The following COL10A1 variants were observed in gnomAD, a reference collection of about 807,000 sequenced individuals.
COL10A1 encodes the protein collagen alpha-1(X) chain.
COL10A1 carries 10 observed loss-of-function variants against 18.2 expected under a neutral mutation model. That is an observed-to-expected ratio of 0.55 (90% CI 0.34 to 0.93). The LOEUF is 0.93. COL10A1 is among the 40% of genes least tolerant of loss of function. COL10A1 has a pLI of 0.02. For synonymous variants in COL10A1, 330 were observed against 316.6 expected (o/e 1.04, Z -0.45); for missense variants, 897 against 853.5 (o/e 1.05, Z -0.64).
At chr6:116,164,438 A>T in the COL10A1 span, among the ~76,000 whole-genome samples, 867 of 152,238 alleles carry the variant, frequency 5.7e-3, 17 homozygotes, top group South Asian at 0.046. Flanking sequence ...TTTGCATGAT[A>T]TATCTTTCTC....
chr6:116,192,209 C>G, the COL10A1 span, among the ~76,000 whole-genome samples: 2 of 151,910 alleles, frequency 1.3e-5, no homozygotes. Flanking sequence ...CTCTGTAAGT[C>G]TCTGTTTGCT....
In COL10A1 at chr6:116,155,541, C is replaced by T. The variant is rs149581697; in HGVS notation, c.-16+3073G>A. On this transcript the variant is annotated intron_variant, in intron 1 of 1. Transcript: ENST00000418500. ...GTTTGACTAAAGCAAACAATCTAAA[C>T]AATTTAAAATGACTTTGAATCCATC... is the stretch of plus-strand genomic sequence containing the variant. Among the ~76,000 whole-genome samples, 229 of 152,094 alleles carry T rather than the reference C, an allele frequency of 1.5e-3. 1 individual carries two copies. Among genetic ancestry groups the T allele is most frequent in the Middle Eastern group, 0.014 (4 of 294 alleles).
chr6:116,130,281 T>A (rs144027320), upstream of COL10A1, among the ~76,000 whole-genome samples: 297 of 151,994 alleles, frequency 2.0e-3, 1 homozygote, highest in African/African-American at 6.8e-3. Flanking sequence ...GTGAGGAAAG[T>A]GTGTGTGTTT....
At chr6:116,213,895 T>C in the COL10A1 span, among the ~76,000 whole-genome samples, 7 of 151,924 alleles carry the variant, frequency 4.6e-5, no homozygotes, top group African/African-American at 1.7e-4. Flanking sequence ...GATGGATACT[T>C]TACCCACACT....
At position 116,125,422 on chromosome 6, in the gene COL10A1, C is replaced by T. The variant is rs766938257; in HGVS notation, c.71G>A (p.Arg24Gln). ...TTTTATGCCTGTGGGCATTTGGTAT[C>T]GTTCAGCGTAAAACACTCCATGAAC... ...NLVHGVFYAE[R>Q]YQMPTGIKGP... Residue 24 changes from arginine to glutamine, a missense_variant, in exon 2 of 3, where the codon CGA becomes CAA. Coordinates refer to ENST00000651968, the MANE Select transcript of COL10A1 (RefSeq NM_000493.4). 6.8e-6 allele frequency: 11 copies of T among 1,613,760 alleles called. No homozygotes were observed. The highest frequency in any genetic ancestry group is 2.2e-5 in the South Asian group (2 of 91,066).
At chr6:116,215,340 A>G in the COL10A1 span, among the ~76,000 whole-genome samples, 89 of 152,246 alleles carry the variant, frequency 5.8e-4, no homozygotes, top group African/African-American at 2.1e-3. Flanking sequence ...TACTTTGTCT[A>G]TACTGTGGAG....
At chr6:116,164,680 C>T in the COL10A1 span, among the ~76,000 whole-genome samples, 1 of 152,172 alleles carries the variant, frequency 6.6e-6, no homozygotes, top group Non-Finnish European at 1.5e-5. Context: ...GAACTTTGTA[C>T]TTACGTGTGC....
At chr6:116,208,098 T>C in the COL10A1 span, among the ~76,000 whole-genome samples, 3 of 151,972 alleles carry the variant, frequency 2.0e-5, no homozygotes, top group East Asian at 3.9e-4. Context: ...AAGACATTGA[T>C]AGTTAATGAC....
chr6:116,166,734 T>A, the COL10A1 span, among the ~76,000 whole-genome samples: 2 of 152,354 alleles, frequency 1.3e-5, no homozygotes, highest in East Asian at 1.9e-4. Context: ...TACTAAAGTT[T>A]CAGAGACTTT....
intron 1 of COL10A1, among the ~76,000 whole-genome samples, chr6:116,158,152 T>C (rs975335298): frequency 2.6e-5 from 4 of 152,240 alleles, no homozygotes; most frequent in African/African-American, 9.6e-5. Context: ...CTACAGTTTT[T>C]ATTACAAATA....
the COL10A1 span, among the ~76,000 whole-genome samples, chr6:116,210,174 A>T: frequency 6.6e-6 from 1 of 151,998 alleles, no homozygotes; most frequent in African/African-American, 2.4e-5. Flanking sequence ...TGGTGTTTCA[A>T]TTTTCCTTTA....
chr6:116,197,181 G>A, the COL10A1 span, among the ~76,000 whole-genome samples: 1 of 151,864 alleles, frequency 6.6e-6, no homozygotes, highest in African/African-American at 2.4e-5. Flanking sequence ...CCTAGGGTCT[G>A]AAGAGGCATG....
At chr6:116,142,156 A>G (rs1213947069) in intron 1 of COL10A1, among the ~76,000 whole-genome samples, 1 of 152,100 alleles carries the variant, frequency 6.6e-6, no homozygotes, top group African/African-American at 2.4e-5. Context: ...TCTTTCTAAT[A>G]TATGAAACTA....
At chr6:116,163,543 AT>A (rs1780394974), upstream of COL10A1, among the ~76,000 whole-genome samples, 1 of 151,912 alleles carries the variant, frequency 6.6e-6, no homozygotes, top group African/African-American at 2.4e-5. Flanking sequence ...TAGTCTATCA[AT>A]TTTTGTTTAT....
the COL10A1 span, among the ~76,000 whole-genome samples, chr6:116,178,084 TGTGTGCGCGCGCGCGCGCGTGCGTGC>T: frequency 9.8e-5 from 9 of 91,916 alleles, no homozygotes; most frequent in African/African-American, 2.7e-4. Context: ...TGTGTGTGTG[TGTGTGCGCGCGCGCGCGCGTGCGTGC>T]GTGTGTGTGT....
the COL10A1 span, among the ~76,000 whole-genome samples, chr6:116,177,224 T>TAATCTATG: frequency 1.3e-5 from 2 of 152,202 alleles, no homozygotes; most frequent in Admixed American, 1.3e-4. Context: ...TTTAGTCTCA[T>TAATCTATG]AGATTATGTT....
chr6:116,189,824 C>T, the COL10A1 span, among the ~76,000 whole-genome samples: 3 of 151,980 alleles, frequency 2.0e-5, no homozygotes, highest in Admixed American at 2.0e-4. Flanking sequence ...TGGTAGACAG[C>T]AGTTACTTAG....
rs143672964 is a variant in COL10A1, at chr6:116,149,593, G to A, written c.-16+9021C>T. Reference sequence around the variant, plus strand: ...AAAGGTGAACCAAAGGATGACTGTCGAAAGGGTATCTAGACTTTATTGGAG... The same window carrying A: ...AAAGGTGAACCAAAGGATGACTGTCAAAAGGGTATCTAGACTTTATTGGAG... On this transcript the variant is annotated intron_variant, in intron 1 of 1. Transcript: ENST00000418500. 3.3e-5 allele frequency among the ~76,000 whole-genome samples: 5 copies of A among 152,258 alleles called. No individual in the cohort carries two copies. In the East Asian group the frequency reaches 5.8e-4, roughly 18 times the overall value.
chr6:116,162,739 T>G (rs184172023), upstream of COL10A1, among the ~76,000 whole-genome samples: 111 of 152,268 alleles, frequency 7.3e-4, no homozygotes, highest in Admixed American at 1.8e-3. Flanking sequence ...AGTTTTCTGT[T>G]TTTGTGTTAT....
Sources: allele counts gnomAD v4.1 joint callset (sites outside exome capture counted in the v4.1 genomes callset), GRCh38; gene constraint gnomAD v4.1.1; transcripts MANE v1.5; gene names NCBI Gene and HGNC (gene_info 2026-07-23, HGNC 2026-07-21).